MTUS2: variants seen among roughly 807,000 people sequenced by gnomAD.
The protein encoded by MTUS2 is microtubule associated scaffold protein 2.
A neutral mutation model predicts 114.1 loss-of-function variants in MTUS2; 40 were observed. The ratio of observed to expected loss-of-function variants is 0.35; its 90% CI spans 0.27 to 0.46. The LOEUF (loss-of-function observed/expected upper bound fraction) is 0.46. Among genes scored for constraint, MTUS2 ranks in the 20% least tolerant of loss-of-function variants. The probability of loss-of-function intolerance (pLI) is 1.00; values close to 1 mark genes in which losing one functional copy is unlikely to be tolerated. For synonymous variants in MTUS2, 688 were observed against 672.0 expected (o/e 1.02, Z -0.37); for missense variants, 1,679 against 1,705.4 (o/e 0.98, Z 0.27).
intron 5 of MTUS2, among the ~76,000 whole-genome samples, chr13:29,235,079 T>A (rs1555254857): frequency 6.9e-6 from 1 of 144,966 alleles, no homozygotes; most frequent in Non-Finnish European, 1.5e-5. Context: ...TTTTCAAATT[T>A]AATTTAGTTA....
intron 5 of MTUS2, among the ~76,000 whole-genome samples, chr13:29,243,269 G>T (rs1038856755): frequency 5.3e-5 from 8 of 152,166 alleles, no homozygotes; most frequent in African/African-American, 1.9e-4. Flanking sequence ...GTGTGCACAG[G>T]AAAGCGGGAG....
chr13:29,418,930 A>G (rs1294930419), intron 8 of MTUS2, among the ~76,000 whole-genome samples: 2 of 152,146 alleles, frequency 1.3e-5, no homozygotes, highest in African/African-American at 4.8e-5. Flanking sequence ...TTCACTCACT[A>G]TGGCTACCTT....
chr13:28,902,876 A>C (rs1879728737), intron 2 of MTUS2, among the ~76,000 whole-genome samples: 1 of 152,148 alleles, frequency 6.6e-6, no homozygotes, highest in African/African-American at 2.4e-5. Context: ...GTTTTCTGGA[A>C]GATATTGTAT....
intron 5 of MTUS2, among the ~76,000 whole-genome samples, chr13:29,275,680 G>A (rs747265948): frequency 2.6e-5 from 4 of 152,184 alleles, no homozygotes; most frequent in Non-Finnish European, 5.9e-5. Flanking sequence ...CTCCATAGCT[G>A]TTGTTGCAAA....
chr13:29,502,876 T>C lies in MTUS2; in HGVS notation c.3897-117T>C. 26 of 981,044 alleles carry C rather than the reference T, an allele frequency of 2.7e-5. 1 individual carries two copies. In the Middle Eastern group the frequency reaches 5.7e-3, roughly 215 times the overall value. 60.8% of individuals were successfully genotyped at this position (981,044 alleles called of 1,614,324 possible). A position where few individuals can be genotyped will look rare whatever the true frequency, so the allele number is the denominator to read the frequency against. ...GTTCTTGGTCACTGGGTCACCCTGG[T>C]CCCTGTTCTCCCTGCGGTCATCATG... is the stretch of plus-strand genomic sequence containing the variant. On this transcript the variant is annotated intron_variant, in intron 15 of 15. Coordinates refer to ENST00000612955, the MANE Select transcript of MTUS2 (RefSeq NM_001033602.4).
intron 5 of MTUS2, among the ~76,000 whole-genome samples, chr13:29,193,780 T>C (rs1208234884): frequency 6.6e-6 from 1 of 151,854 alleles, no homozygotes; most frequent in Admixed American, 6.6e-5. Flanking sequence ...GAGCCCTCAT[T>C]GCCAAGTCAA....
chr13:29,389,599 G>GTA (rs1048135784), intron 8 of MTUS2, among the ~76,000 whole-genome samples: 3 of 128,566 alleles, frequency 2.3e-5, no homozygotes, highest in South Asian at 4.9e-4. Context: ...ACATATGTGT[G>GTA]TATACGTATA....
intron 9 of MTUS2, among the ~76,000 whole-genome samples, chr13:29,458,032 G>A (rs892652055): frequency 1.3e-5 from 2 of 152,194 alleles, no homozygotes; most frequent in Admixed American, 6.5e-5. Context: ...GATTATAGGC[G>A]TGAGCCACTG....
intron 7 of MTUS2, among the ~76,000 whole-genome samples, chr13:29,351,862 G>A (rs1053069395): frequency 2.0e-5 from 3 of 151,000 alleles, no homozygotes; most frequent in Non-Finnish European, 2.9e-5. Flanking sequence ...CCATCGTCCC[G>A]CCTTGGCCTC....
At chr13:29,198,297 G>A (rs921748873) in intron 5 of MTUS2, among the ~76,000 whole-genome samples, 2 of 152,196 alleles carry the variant, frequency 1.3e-5, no homozygotes, top group Non-Finnish European at 2.9e-5. Flanking sequence ...TGGCTACCCA[G>A]TTTTCCCAAC....
chr13:29,448,944 G>A (rs1206207588), intron 9 of MTUS2, among the ~76,000 whole-genome samples: 3 of 151,892 alleles, frequency 2.0e-5, no homozygotes, highest in African/African-American at 7.2e-5. Context: ...AGTAGAGTTG[G>A]GGTTTCGCCA....
In MTUS2 at chr13:29,441,956, G is replaced by C. The variant is rs190098205; in HGVS notation, c.3184+1907G>C. Among the ~76,000 whole-genome samples the C allele has an allele frequency of 2.9e-3, 446 of 152,254 alleles. 3 individuals carry two copies. The highest frequency in any genetic ancestry group is 0.01 in the African/African-American group (434 of 41,550). The stretch of plus-strand genomic sequence containing the variant: ...CAAAGACCCCCTTCTCCACTCACCG[G>C]CTTTAGGGCCTGTCCTCAGTTGGAG... On this transcript the variant is annotated intron_variant, in intron 9 of 15. Coordinates refer to ENST00000612955, the MANE Select transcript of MTUS2 (RefSeq NM_001033602.4).
chr13:29,274,990 T>C (rs1898009492), intron 5 of MTUS2, among the ~76,000 whole-genome samples: 1 of 152,184 alleles, frequency 6.6e-6, no homozygotes, highest in Non-Finnish European at 1.5e-5. Flanking sequence ...TGCCTTGGCC[T>C]CCCAAAGTGC....
intron 2 of MTUS2, among the ~76,000 whole-genome samples, chr13:28,989,575 T>A (rs1371681966): frequency 6.6e-6 from 1 of 152,140 alleles, no homozygotes; most frequent in Non-Finnish European, 1.5e-5. Context: ...TGAATCTGGG[T>A]CACAGTTTGG....
intron 2 of MTUS2, among the ~76,000 whole-genome samples, chr13:28,918,044 T>C (rs959769911): frequency 4.6e-5 from 7 of 151,834 alleles, no homozygotes; most frequent in Non-Finnish European, 5.9e-5. Flanking sequence ...GTTATTGATA[T>C]TAAGTTTTAT....
chr13:28,826,333 A>G (rs1874268038), intron 1 of MTUS2, among the ~76,000 whole-genome samples: 1 of 152,212 alleles, frequency 6.6e-6, no homozygotes, highest in African/African-American at 2.4e-5. Context: ...TCTATTTTTT[A>G]TTATCAGACT....
intron 8 of MTUS2, among the ~76,000 whole-genome samples, chr13:29,382,193 T>C (rs936709902): frequency 2.0e-5 from 3 of 152,008 alleles, no homozygotes; most frequent in Non-Finnish European, 4.4e-5. Context: ...TCTGGGGAGA[T>C]GGTTGACAGG....
intron 2 of MTUS2, among the ~76,000 whole-genome samples, chr13:28,933,801 A>G (rs997530539): frequency 2.0e-5 from 3 of 152,244 alleles, no homozygotes; most frequent in African/African-American, 7.2e-5. Context: ...TGTCCGTTCC[A>G]GAGACCTTAC....
chr13:29,136,542 C>T (rs1166804042), intron 5 of MTUS2, among the ~76,000 whole-genome samples: 1 of 152,144 alleles, frequency 6.6e-6, no homozygotes, highest in African/African-American at 2.4e-5. Context: ...GTTTGATCAC[C>T]AGTGACTAAT....
Sources: gnomAD v4.1 joint callset for allele counts (sites outside exome capture counted in the v4.1 genomes callset) on GRCh38, gnomAD v4.1.1 for gene constraint, MANE v1.5 for transcripts, NCBI Gene and HGNC (gene_info 2026-07-23, HGNC 2026-07-21) for gene names.